The following SGCG variants were observed in gnomAD, a reference collection of about 807,000 sequenced individuals.
SGCG encodes sarcoglycan gamma.
In SGCG, 26 loss-of-function variants were observed where a neutral mutation model predicts 29.3. The observed-to-expected ratio is 0.89, with a 90% CI of 0.65 to 1.23. SGCG has a LOEUF of 1.23. SGCG is among the 50% of genes most tolerant of loss of function. The probability of loss-of-function intolerance (pLI) is 0.00; values close to 1 mark genes in which losing one functional copy is unlikely to be tolerated. For missense variants in SGCG, 353 were observed against 356.0 expected, an observed-to-expected ratio of 0.99 and a Z score of 0.07; for synonymous variants, 145 against 129.7, an observed-to-expected ratio of 1.12 and a Z score of -0.80.
chr13:23,176,557 G>A (rs989448656), upstream of SGCG, among the ~76,000 whole-genome samples: 1 of 149,742 alleles, frequency 6.7e-6, no homozygotes. Context: ...AACTACCCCT[G>A]TTTACTTATG....
intron 6 of SGCG, among the ~76,000 whole-genome samples, chr13:23,306,064 T>C (rs1882349560): frequency 6.6e-6 from 1 of 152,112 alleles, no homozygotes; most frequent in African/African-American, 2.4e-5. Context: ...AGGGTCTTGC[T>C]GTGTTGCCCA....
intron 6 of SGCG, among the ~76,000 whole-genome samples, chr13:23,317,209 A>T (rs753826602): frequency 2.6e-5 from 4 of 152,038 alleles, no homozygotes; most frequent in Non-Finnish European, 5.9e-5. Context: ...AAAAAAGATG[A>T]AATCAGTCTA....
At chr13:23,309,761 C>T (rs780850294) in intron 6 of SGCG, among the ~76,000 whole-genome samples, 1 of 152,026 alleles carries the variant, frequency 6.6e-6, no homozygotes, top group Non-Finnish European at 1.5e-5. Context: ...GGTGTAAACT[C>T]ACATATGAAA....
At chr13:23,318,168 A>G (rs1287079920) in intron 6 of SGCG, among the ~76,000 whole-genome samples, 1 of 150,758 alleles carries the variant, frequency 6.6e-6, no homozygotes, top group Non-Finnish European at 1.5e-5. Flanking sequence ...TTAATACTTA[A>G]TAAACTCCCC....
chr13:23,210,305 A>G (rs1208376964), intron 2 of SGCG, among the ~76,000 whole-genome samples: 1 of 152,216 alleles, frequency 6.6e-6, no homozygotes, highest in Non-Finnish European at 1.5e-5. Context: ...AATTGAGGAA[A>G]TCAGTGTATA....
intron 1 of SGCG, among the ~76,000 whole-genome samples, chr13:23,199,225 TTTG>T (rs1470916195): frequency 6.6e-6 from 1 of 152,224 alleles, no homozygotes; most frequent in African/African-American, 2.4e-5. Context: ...GAAAATAAAT[TTTG>T]TTCATGATAC....
intron 6 of SGCG, among the ~76,000 whole-genome samples, chr13:23,297,559 C>T (rs1386620022): frequency 6.6e-6 from 1 of 152,188 alleles, no homozygotes; most frequent in African/African-American, 2.4e-5. Flanking sequence ...GTCCTTAAGG[C>T]ACAGATTGCT....
At chr13:23,183,870 G>A (rs552329864) in intron 1 of SGCG, among the ~76,000 whole-genome samples, 1 of 151,918 alleles carries the variant, frequency 6.6e-6, no homozygotes, top group South Asian at 2.1e-4. Context: ...GTTTCACCAT[G>A]TTAGTCAGGA....
At chr13:23,296,212 C>A (rs1202071979) in intron 6 of SGCG, among the ~76,000 whole-genome samples, 8 of 152,200 alleles carry the variant, frequency 5.3e-5, no homozygotes, top group African/African-American at 1.9e-4. Context: ...CAAGGCAAAA[C>A]CTTTGCACTT....
intron 2 of SGCG, among the ~76,000 whole-genome samples, chr13:23,206,731 G>T (rs1213893090): frequency 6.6e-6 from 1 of 152,080 alleles, no homozygotes; most frequent in Non-Finnish European, 1.5e-5. Flanking sequence ...ACATCAAAAA[G>T]AATGCAATAT....
intron 6 of SGCG, among the ~76,000 whole-genome samples, chr13:23,309,468 G>A (rs570639543): frequency 4.6e-5 from 7 of 152,044 alleles, no homozygotes; most frequent in Admixed American, 1.3e-4. Context: ...TGATAGTGCC[G>A]AAAAAAGAGT....
chr13:23,232,643 G>A (rs1382208769), intron 2 of SGCG, among the ~76,000 whole-genome samples: 8 of 152,160 alleles, frequency 5.3e-5, no homozygotes, highest in Admixed American at 1.3e-4. Context: ...TTAGCCAGGC[G>A]TGGTGGCAGG....
chr13:23,251,643 C>A (rs113566806), intron 4 of SGCG, among the ~76,000 whole-genome samples: 8,634 of 152,008 alleles, frequency 0.057, 276 homozygotes, highest in South Asian at 0.079. Flanking sequence ...TGTGGTGGTG[C>A]ACGTCTGTAG....
the SGCG span, among the ~76,000 whole-genome samples, chr13:23,169,403 C>T: frequency 4.6e-5 from 7 of 151,516 alleles, no homozygotes; most frequent in South Asian, 6.3e-4. Flanking sequence ...AAAAGGTAGC[C>T]GGCGCGGTGG....
chr13:23,300,383 G>A (rs1320645367), intron 6 of SGCG, among the ~76,000 whole-genome samples: 1 of 152,232 alleles, frequency 6.6e-6, no homozygotes, highest in African/African-American at 2.4e-5. Context: ...GATACATAGA[G>A]ACTAGCTGCT....
At chr13:23,172,973 T>A in the SGCG span, among the ~76,000 whole-genome samples, 2 of 152,246 alleles carry the variant, frequency 1.3e-5, no homozygotes, top group Non-Finnish European at 2.9e-5. Context: ...CTGATATTAA[T>A]ATTTTTTGTG....
At position 23,252,230 on chromosome 13, in the gene SGCG, G is replaced by C. The variant is rs184406811; in HGVS notation, c.385+1513G>C. Reference sequence around the variant, plus strand: ...TCTTGAAAATCTTCAACTGCCTATAGCTTTCAAGTGTTTGAGGAATTTTTG... The same window carrying C: ...TCTTGAAAATCTTCAACTGCCTATACCTTTCAAGTGTTTGAGGAATTTTTG... On this transcript the variant is annotated intron_variant, in intron 4 of 7. Coordinates refer to ENST00000218867, the MANE Select transcript of SGCG (RefSeq NM_000231.3). Among the ~76,000 whole-genome samples, 1,030 of 152,112 alleles carry C rather than the reference G, an allele frequency of 6.8e-3. 9 individuals are homozygous for C. The highest frequency in any genetic ancestry group is 0.037 in the Middle Eastern group (11 of 294).
chr13:23,310,344 C>A (rs1882543712), intron 6 of SGCG, among the ~76,000 whole-genome samples: 1 of 152,072 alleles, frequency 6.6e-6, no homozygotes, highest in Non-Finnish European at 1.5e-5. Flanking sequence ...CCTCGGCCTC[C>A]CAAAGTGCTG....
At position 23,286,437 on chromosome 13, in the gene SGCG, C is replaced by T. The variant is rs144303557; in HGVS notation, c.505+6959C>T. 2.8e-3 allele frequency among the ~76,000 whole-genome samples: 419 copies of T among 152,272 alleles called. 2 individuals carry two copies. The highest frequency in any genetic ancestry group is 4.2e-3 in the Non-Finnish European group (284 of 68,022). On this transcript the variant is annotated intron_variant, in intron 5 of 7. Transcript: ENST00000218867. ...ATGACATGATAGTCATTTCAAAGAT[C>T]GGTAACCTTAACTTCACAAGATTAA... is the stretch of plus-strand genomic sequence containing the variant.
Sources: gnomAD v4.1 joint callset for allele counts (sites outside exome capture counted in the v4.1 genomes callset) on GRCh38, gnomAD v4.1.1 for gene constraint, MANE v1.5 for transcripts, NCBI Gene and HGNC (gene_info 2026-07-23, HGNC 2026-07-21) for gene names.